Variants in PPP1R16A observed in about 807,000 individuals in gnomAD.
The protein encoded by PPP1R16A is myosin phosphatase-targeting subunit 3.
PPP1R16A carries 39 observed loss-of-function variants against 46.6 expected under a neutral mutation model. That is an observed-to-expected ratio of 0.84 (90% CI 0.65 to 1.09). PPP1R16A has a LOEUF of 1.09. Among genes scored for constraint, PPP1R16A ranks in the 50% least tolerant of loss-of-function variants. The pLI is 0.00. For missense variants in PPP1R16A, 798 were observed against 735.6 expected, an observed-to-expected ratio of 1.08 and a Z score of -0.98; for synonymous variants, 413 against 321.5, an observed-to-expected ratio of 1.28 and a Z score of -3.04.
intron 1 of PPP1R16A, among the ~76,000 whole-genome samples, chr8:144,487,271 C>T (rs997265821): frequency 2.0e-5 from 3 of 152,162 alleles, no homozygotes; most frequent in Non-Finnish European, 4.4e-5. Flanking sequence ...TAAGTCACTG[C>T]GCCTGGCCCC....
intron 5 of PPP1R16A, chr8:144,499,312 C>A: frequency 1.8e-6 from 1 of 547,138 alleles, no homozygotes; most frequent in Non-Finnish European, 3.2e-6. Flanking sequence ...TCGGGCCCCC[C>A]CCCAGAGTGT....
intron 3 of PPP1R16A, chr8:144,498,539 G>C (rs1450623892): frequency 1.9e-6 from 1 of 531,848 alleles, no homozygotes; most frequent in Admixed American, 3.4e-5. Flanking sequence ...GAGGGCTGGA[G>C]CACCACCATG....
intron 2 of PPP1R16A, among the ~76,000 whole-genome samples, chr8:144,491,680 A>G (rs938937848): frequency 6.6e-5 from 10 of 151,628 alleles, no homozygotes; most frequent in African/African-American, 1.5e-4. Flanking sequence ...GGAGAATGGC[A>G]TGAACCTGGG....
Position 144,501,609 on chromosome 8 carries a change from T to C in PPP1R16A, c.1293T>C (p.Ser431=), listed in dbSNP as rs766301911. 15 of 1,608,992 alleles carry C rather than the reference T, an allele frequency of 9.3e-6. No homozygotes were observed. The African/African-American group carries it at 1.3e-4, about 14-fold the overall frequency. The change falls in exon 12 of 12, where the codon AGT becomes AGC. Residue 431 remains serine, a synonymous_variant. Coordinates refer to ENST00000435887, the MANE Select transcript of PPP1R16A (RefSeq NM_001329443.2). ...TATACTCCAAGCGACTAGACCGGAG[T>C]GTCTCCTACCAGCTGAGCCCCCTGG... The part of the protein sequence containing the change: ...RHLYSKRLDR[S]VSYQLSPLDS...
chr8:144,498,171 G>C (rs949457352), intron 3 of PPP1R16A: 2 of 438,714 alleles, frequency 4.6e-6, no homozygotes, highest in South Asian at 1.6e-5. Context: ...CCTGGAGGCA[G>C]AGGGAAGAGG....
rs142532469 is a variant in PPP1R16A, at chr8:144,497,352, G to A, written c.158G>A (p.Arg53His). The change falls in exon 3 of 12, where the codon CGT (arginine) becomes CAT (histidine). Residue 53 changes from arginine (R) to histidine (H), a missense_variant. By Grantham distance (29) the Arg-to-His change is conservative. Coordinates refer to ENST00000435887, the MANE Select transcript of PPP1R16A (RefSeq NM_001329443.2). ...EAQGKKGPGERPRKEAASQGL... is the reference protein window; with the variant it reads ...EAQGKKGPGEHPRKEAASQGL... The stretch of plus-strand genomic sequence containing the variant: ...CAGGGCAAGAAGGGTCCTGGGGAGC[G>A]TCCCCGGAAGGAGGCAGCCAGCCAA... The A allele has an allele frequency of 2.6e-4, 415 of 1,612,784 alleles. 5 individuals are homozygous for A. In the South Asian group the frequency reaches 3.8e-3, roughly 15 times the overall value.
chr8:144,492,202 C>T (rs566674971), intron 2 of PPP1R16A, among the ~76,000 whole-genome samples: 28 of 152,212 alleles, frequency 1.8e-4, no homozygotes, highest in Non-Finnish European at 3.5e-4. Flanking sequence ...GGCTTTCACC[C>T]TGCGATGTGC....
intron 2 of PPP1R16A, among the ~76,000 whole-genome samples, chr8:144,494,035 G>A (rs1001262170): frequency 6.6e-6 from 1 of 152,318 alleles, no homozygotes; most frequent in South Asian, 2.1e-4. Context: ...TCCGTCGGGA[G>A]TGTGGCTGCC....
At chr8:144,486,908 T>C in intron 1 of PPP1R16A, among the ~76,000 whole-genome samples, 1 of 152,240 alleles carries the variant, frequency 6.6e-6, no homozygotes, top group East Asian at 1.9e-4. Context: ...GCTTTTGGTG[T>C]CACCACTCTG....
intron 5 of PPP1R16A, 90 bp downstream of exon 5, chr8:144,499,151 G>A (rs1024049620): frequency 2.1e-6 from 3 of 1,434,850 alleles, no homozygotes; most frequent in Non-Finnish European, 1.8e-6. Context: ...TGTGGCTCTC[G>A]GCCTCCTGTG....
At chr8:144,482,525 G>T (rs397891613) in intron 1 of PPP1R16A, among the ~76,000 whole-genome samples, 3 of 150,108 alleles carry the variant, frequency 2.0e-5, no homozygotes, top group Admixed American at 6.6e-5. Flanking sequence ...GGTTTAAGCA[G>T]TTCTCCCTGC....
chr8:144,499,240 G>A, intron 5 of PPP1R16A, 179 bp downstream of exon 5: 3 of 851,132 alleles, frequency 3.5e-6, no homozygotes, highest in Non-Finnish European at 3.5e-6. Context: ...GAATGGGCAT[G>A]TGCCCAGGGC....
chr8:144,486,024 T>A (rs112174230), intron 1 of PPP1R16A, among the ~76,000 whole-genome samples: 1 of 152,342 alleles, frequency 6.6e-6, no homozygotes, highest in Admixed American at 6.5e-5. Context: ...AGGAAACGTC[T>A]ATGGTATGGA....
In PPP1R16A at chr8:144,500,360, T is replaced by C; in HGVS notation, c.674T>C (p.Leu225Pro). The change falls in exon 7 of 12, where the codon CTC becomes CCC. Residue 225 changes from leucine (L) to proline (P), a missense_variant. By Grantham distance (98) the Leu-to-Pro change is moderately conservative (BLOSUM62 -3). Transcript: ENST00000435887. ...IRSRLQAGAD[L>P]HAPLDHGATL... is the part of the protein sequence containing the mutation. The stretch of plus-strand genomic sequence containing the variant: ...AGCCGGCTGCAGGCCGGGGCAGACC[T>C]CCATGCCCCCCTGGACCACGGGGCC... 6.5e-7 allele frequency: 1 copy of C among 1,533,780 alleles called. No individual in the cohort carries two copies. The highest frequency in any genetic ancestry group is 8.7e-7 in the Non-Finnish European group (1 of 1,145,544).
In PPP1R16A at chr8:144,500,473, G is replaced by A. The variant is rs759048715; in HGVS notation, c.706-14G>A. 2.6e-6 allele frequency: 4 copies of A among 1,568,438 alleles called. No homozygotes were observed. The Admixed American group carries it at 5.4e-5, about 21-fold the overall frequency. On this transcript the variant is annotated splice_polypyrimidine_tract_variant and intron_variant, in intron 7 of 11. Coordinates refer to ENST00000435887, the MANE Select transcript of PPP1R16A (RefSeq NM_001329443.2). ...GGGGATGGGGCCGAATTCAGGCCGG[G>A]CGCTTGCCTGCAGCTGCACGTCGCA...
At position 144,501,767 on chromosome 8, in the gene PPP1R16A, C is replaced by T. The variant is rs1276704891; in HGVS notation, c.1451C>T (p.Pro484Leu). Residue 484 changes from proline to leucine, a missense_variant, in exon 12 of 12, where the codon CCT (proline) becomes CTT (leucine). Physicochemically the swap from Pro to Leu is moderately conservative, Grantham distance 98 (BLOSUM62 -3). Coordinates refer to ENST00000435887, the MANE Select transcript of PPP1R16A (RefSeq NM_001329443.2). Reference protein sequence around the residue: ...EGPESPETAEPGLPGDTVTPQ... With the variant: ...EGPESPETAELGLPGDTVTPQ... ...CCCGAGAGCCCTGAGACAGCTGAGC[C>T]TGGCCTGCCTGGTGACACGGTGACC... is the stretch of plus-strand genomic sequence containing the variant. 4 of 1,566,144 alleles carry T rather than the reference C, an allele frequency of 2.6e-6. No individual in the cohort carries two copies. Among genetic ancestry groups the T allele is most frequent in the African/African-American group, 1.4e-5 (1 of 73,522 alleles).
chr8:144,481,409 G>T (rs1370970365), intron 1 of PPP1R16A, among the ~76,000 whole-genome samples: 4 of 151,762 alleles, frequency 2.6e-5, no homozygotes, highest in Non-Finnish European at 5.9e-5. Context: ...TTGGGAGGCT[G>T]AGGCGGGTGG....
chr8:144,500,810 G>T, intron 9 of PPP1R16A, 32 bp from the exon 10 acceptor site: 1 of 1,597,260 alleles, frequency 6.3e-7, no homozygotes, highest in Non-Finnish European at 8.5e-7. Flanking sequence ...CAGGCGGGGA[G>T]GGCGCCCCTG....
Position 144,497,187 on chromosome 8 carries a change from C to T in PPP1R16A, c.-8C>T, listed in dbSNP as rs1422866475. On this transcript the variant is annotated 5_prime_UTR_variant, in exon 3 of 12. Transcript: ENST00000435887. The stretch of plus-strand genomic sequence containing the variant: ...CCCGAGCAGCCCTGTGGGCAAGCAG[C>T]CGCCGCCATGGCCGAGCACCTGGAG... The T allele has an allele frequency of 6.4e-7, 1 of 1,552,564 alleles. No homozygotes were observed. The highest frequency in any genetic ancestry group is 1.9e-5 in the Admixed American group (1 of 51,512).
Sources: gnomAD v4.1 joint callset for allele counts (sites outside exome capture counted in the v4.1 genomes callset) on GRCh38, gnomAD v4.1.1 for gene constraint, MANE v1.5 for transcripts, NCBI Gene and HGNC (gene_info 2026-07-23, HGNC 2026-07-21) for gene names.